RPA1: variants seen among roughly 807,000 people sequenced by gnomAD.
RPA1 encodes the protein replication protein A1.
RPA1 carries 49 observed loss-of-function variants against 83.0 expected under a neutral mutation model. The ratio of observed to expected loss-of-function variants is 0.59; its 90% confidence interval spans 0.47 to 0.75. The LOEUF is 0.75. Ranked by LOEUF, RPA1 falls within the 30% of genes least tolerant of loss-of-function variation. The pLI is 0.00. For missense variants in RPA1, 693 were observed against 776.1 expected, an observed-to-expected ratio of 0.89 and a Z score of 1.27; for synonymous variants, 279 against 281.8, an observed-to-expected ratio of 0.99 and a Z score of 0.10.
At chr17:1,879,511 C>T (rs771416345) in intron 10 of RPA1, 49 bp from the exon 11 acceptor site, 14 of 1,612,908 alleles carry the variant, frequency 8.7e-6, no homozygotes, top group South Asian at 2.2e-5. Flanking sequence ...TTGCTGGCGT[C>T]GGAATGGGAG....
In RPA1 at chr17:1,831,636, T is replaced by C. The variant is rs186752057; in HGVS notation, c.33+1510T>C. Among the ~76,000 whole-genome samples the C allele has an allele frequency of 9.6e-3, 1,448 of 151,498 alleles. 41 individuals are homozygous for C. Among genetic ancestry groups the C allele is most frequent in the Admixed American group, 0.065 (987 of 15,138 alleles). On this transcript the variant is annotated intron_variant, in intron 1 of 16. Coordinates refer to ENST00000254719, the MANE Select transcript of RPA1 (RefSeq NM_002945.5). ...TTTTTTGAGCTGGAATCTTGCTCTG[T>C]TGCCCAGGCTGGAGGGCAGTGGCGC... is the stretch of plus-strand genomic sequence containing the variant.
rs373073976 is a variant in RPA1 at position 1,840,497 on chromosome 17, G to A, written c.34-2306G>A. Among the ~76,000 whole-genome samples, 4 of 152,022 alleles carry A rather than the reference G, an allele frequency of 2.6e-5. No homozygotes were observed. The East Asian group carries it at 5.9e-4, about 22-fold the overall frequency. On this transcript the variant is annotated intron_variant, in intron 1 of 16. Transcript: ENST00000254719. The stretch of plus-strand genomic sequence containing the variant: ...GAGACAGGGTTTCACCGTGTTAGCC[G>A]GGATGGTCTCAATCTCCTGACCTCG...
At chr17:1,879,735 A>G in intron 11 of RPA1, 36 bp downstream of exon 11, 1 of 1,613,114 alleles carries the variant, frequency 6.2e-7, no homozygotes, top group Non-Finnish European at 8.5e-7. Context: ...CACGCACAGG[A>G]CCTCCTGGGG....
At chr17:1,872,633 C>A in intron 6 of RPA1, 107 bp downstream of exon 6, 2 of 1,448,518 alleles carry the variant, frequency 1.4e-6, no homozygotes, top group Non-Finnish European at 1.9e-6. Flanking sequence ...CCATTCATTA[C>A]AGGGTTGTGT....
intron 12 of RPA1, among the ~76,000 whole-genome samples, 200 bp from the exon 13 acceptor site, chr17:1,883,612 A>G (rs1372803975): frequency 2.0e-5 from 3 of 152,162 alleles, no homozygotes; most frequent in Non-Finnish European, 4.4e-5. Flanking sequence ...TGAAACTCTG[A>G]CACAATTTTT....
Position 1,884,322 on chromosome 17 carries a change from T to C in RPA1, c.1374+378T>C, listed in dbSNP as rs1567825057. On this transcript the variant is annotated intron_variant, in intron 13 of 16. Transcript: ENST00000254719. The surrounding 1 kb of genome is among the most constrained non-coding windows in gnomAD (Gnocchi z 4.1). ...CATATCAAAAAGATGTTTTTTGAGATGAGCGTTAGTCCGCCTCAGGTCAGA... is the reference window on the plus strand; with the variant it reads ...CATATCAAAAAGATGTTTTTTGAGACGAGCGTTAGTCCGCCTCAGGTCAGA... Among the ~76,000 whole-genome samples the C allele has an allele frequency of 1.7e-5, 2 of 114,370 alleles. No homozygotes were observed. The highest frequency in any genetic ancestry group is 3.4e-5 in the Non-Finnish European group (2 of 58,712). The allele number at this position is 114,370 out of a possible 152,430, so 75.0% of individuals were successfully genotyped here.
intron 5 of RPA1, among the ~76,000 whole-genome samples, chr17:1,860,282 G>T (rs745845514): frequency 1.3e-5 from 2 of 152,066 alleles, no homozygotes; most frequent in Non-Finnish European, 2.9e-5. Flanking sequence ...CTGGACTGGG[G>T]CTGGGACGGC....
At chr17:1,876,849 T>A (rs1913593595) in intron 7 of RPA1, among the ~76,000 whole-genome samples, 1 of 152,214 alleles carries the variant, frequency 6.6e-6, no homozygotes, top group Non-Finnish European at 1.5e-5. Context: ...TTATATCAGT[T>A]CCCATAATTG....
At chr17:1,844,160 A>G (rs1444411149) in intron 3 of RPA1, among the ~76,000 whole-genome samples, 162 bp downstream of exon 3, 2 of 152,178 alleles carry the variant, frequency 1.3e-5, no homozygotes, top group Admixed American at 6.5e-5. Flanking sequence ...CATTCTAACA[A>G]TAGACTGGAG....
At chr17:1,864,962 G>A (rs1045125580) in intron 5 of RPA1, among the ~76,000 whole-genome samples, 2 of 152,194 alleles carry the variant, frequency 1.3e-5, no homozygotes, top group African/African-American at 4.8e-5. Context: ...TACTGGGAAA[G>A]CTGAGGTGGG....
chr17:1,858,653 C>T (rs778883587), intron 5 of RPA1, among the ~76,000 whole-genome samples: 24 of 150,898 alleles, frequency 1.6e-4, no homozygotes, highest in Non-Finnish European at 2.7e-4. Context: ...TTAGTAGAGA[C>T]GCGGTTTTGC....
intron 1 of RPA1, 114 bp downstream of exon 1, chr17:1,830,240 GAGATGGC>G: frequency 4.4e-6 from 3 of 684,520 alleles, no homozygotes; most frequent in African/African-American, 1.9e-5. Flanking sequence ...GCGAGGGGAG[GAGATGGC>G]GGGGGGCGGT....
intron 1 of RPA1, among the ~76,000 whole-genome samples, chr17:1,832,900 TTTTTAAAA>T (rs1208997513): frequency 6.6e-6 from 1 of 152,118 alleles, no homozygotes; most frequent in Non-Finnish European, 1.5e-5. Context: ...TATCAGTTTC[TTTTTAAAA>T]TTTTAAAATT....
Position 1,867,722 on chromosome 17 carries a change from T to A in RPA1, c.362-4712T>A, listed in dbSNP as rs76001351. On this transcript the variant is annotated intron_variant, in intron 5 of 16. Transcript: ENST00000254719. ...CAAGACCCTGTCTCAAAAAAAAAAT[T>A]AAAAAGAAAAAGAAGATGGAGATGA... 4.6e-4 allele frequency among the ~76,000 whole-genome samples: 69 copies of A among 149,798 alleles called. No homozygotes were observed. In the East Asian group the frequency reaches 0.012, roughly 25 times the overall value.
At chr17:1,872,708 C>CT (rs34892322) in intron 6 of RPA1, among the ~76,000 whole-genome samples, 182 bp downstream of exon 6, 25,769 of 112,968 alleles carry the variant, frequency 0.23, 3,087 homozygotes, top group South Asian at 0.34. Context: ...TAAAGATTGT[C>CT]TTTTTTTTTT....
chr17:1,841,066 A>AAAAAT (rs753266359), intron 1 of RPA1, among the ~76,000 whole-genome samples: 2 of 152,194 alleles, frequency 1.3e-5, no homozygotes, highest in Non-Finnish European at 2.9e-5. Context: ...CCGTCTCAAA[A>AAAAAT]AAAATAAAAT....
intron 15 of RPA1, among the ~76,000 whole-genome samples, chr17:1,894,174 A>ATT (rs144400153): frequency 1.3e-3 from 186 of 144,470 alleles, no homozygotes; most frequent in Middle Eastern, 7.1e-3. Context: ...TGACCTCCTA[A>ATT]TTTTTTTTTT....
intron 6 of RPA1, among the ~76,000 whole-genome samples, chr17:1,872,921 C>T (rs183336469): frequency 4.5e-4 from 69 of 152,164 alleles, no homozygotes; most frequent in Admixed American, 7.2e-4. Context: ...AGCAGTCCTC[C>T]GTCCTTGGCC....
At chr17:1,895,661 ATTTATTTAT>A (rs1450374855) in intron 16 of RPA1, among the ~76,000 whole-genome samples, 36 of 27,696 alleles carry the variant, frequency 1.3e-3, no homozygotes, top group African/African-American at 2.4e-3. Context: ...ACCATATAGT[ATTTATTTAT>A]TTATTTATTT....
Sources: allele counts gnomAD v4.1 joint callset (sites outside exome capture counted in the v4.1 genomes callset), GRCh38; gene constraint gnomAD v4.1.1; non-coding constraint Gnocchi (gnomAD v3.1); transcripts MANE v1.5; gene names NCBI Gene and HGNC (gene_info 2026-07-23, HGNC 2026-07-21).